Variants in CDKL4 observed in about 807,000 individuals in gnomAD.
CDKL4 encodes cyclin dependent kinase like 4, also known as cyclin-dependent kinase-like 4.
CDKL4 carries 44 observed loss-of-function variants against 42.0 expected under a neutral mutation model. That is an observed-to-expected ratio of 1.05 (90% confidence interval 0.82 to 1.35). The LOEUF (loss-of-function observed/expected upper bound fraction) is 1.35. CDKL4 is among the 40% of genes most tolerant of loss of function. The pLI is 0.00. For missense variants in CDKL4, 393 were observed against 369.9 expected, an observed-to-expected ratio of 1.06 and a Z score of -0.51; for synonymous variants, 120 against 121.6, an observed-to-expected ratio of 0.99 and a Z score of 0.09.
At chr2:39,203,483 C>A (rs1676978790) in intron 5 of CDKL4, among the ~76,000 whole-genome samples, 1 of 152,150 alleles carries the variant, frequency 6.6e-6, no homozygotes. Context: ...GACACCGCAT[C>A]TATACCATGC....
At chr2:39,182,477 A>G (rs1675493856) in intron 8 of CDKL4, among the ~76,000 whole-genome samples, 1 of 152,232 alleles carries the variant, frequency 6.6e-6, no homozygotes, top group South Asian at 2.1e-4. Context: ...TGAGCTGAGT[A>G]GAATTGAGGC....
chr2:39,179,158 A>G, intron 9 of CDKL4, 29 bp downstream of exon 9: 2 of 1,584,472 alleles, frequency 1.3e-6, no homozygotes, highest in South Asian at 1.2e-5. Flanking sequence ...AATTATTTTT[A>G]TAGCACTTTA....
chr2:39,216,988 C>A (rs369417139), intron 3 of CDKL4, among the ~76,000 whole-genome samples: 1 of 152,096 alleles, frequency 6.6e-6, no homozygotes, highest in Non-Finnish European at 1.5e-5. Flanking sequence ...CACCACTGAT[C>A]GTGCAAAGAG....
chr2:39,169,093 G>C, the CDKL4 span, among the ~76,000 whole-genome samples: 1 of 152,082 alleles, frequency 6.6e-6, no homozygotes. Flanking sequence ...ACACAATTCA[G>C]ATATATCTGT....
At chr2:39,198,259 A>AT (rs1676636701) in intron 5 of CDKL4, among the ~76,000 whole-genome samples, 1 of 52,004 alleles carries the variant, frequency 1.9e-5, no homozygotes, top group African/African-American at 5.1e-5. Context: ...TTATATAATG[A>AT]TAAAAAAAAA....
chr2:39,182,284 C>A (rs553544928), intron 8 of CDKL4, among the ~76,000 whole-genome samples: 2 of 152,304 alleles, frequency 1.3e-5, no homozygotes, highest in South Asian at 4.1e-4. Context: ...AGCCACCATG[C>A]CCAGCCTCAT....
intron 1 of CDKL4, among the ~76,000 whole-genome samples, chr2:39,235,955 A>G (rs72921056): frequency 0.014 from 2,110 of 152,248 alleles, 34 homozygotes; most frequent in African/African-American, 0.048. Context: ...AATAAAGTCA[A>G]TAAAAATGGA....
intron 8 of CDKL4, among the ~76,000 whole-genome samples, chr2:39,182,505 C>A (rs1675495277): frequency 2.0e-5 from 3 of 152,114 alleles, no homozygotes; most frequent in Admixed American, 2.0e-4. Context: ...TCCTTGCCTG[C>A]CTGGATTAAT....
chr2:39,205,986 G>A (rs1437799548), intron 4 of CDKL4, among the ~76,000 whole-genome samples: 1 of 151,930 alleles, frequency 6.6e-6, no homozygotes, highest in African/African-American at 2.4e-5. Context: ...GGCCCACGAT[G>A]CTGTCAGAAT....
chr2:39,181,829 A>G (rs755750098), intron 8 of CDKL4, among the ~76,000 whole-genome samples: 3 of 152,170 alleles, frequency 2.0e-5, no homozygotes, highest in Admixed American at 6.5e-5. Flanking sequence ...CCTTGCCAAG[A>G]GTTTTCAGAG....
chr2:39,206,402 A>G (rs1677190338), intron 4 of CDKL4, among the ~76,000 whole-genome samples: 1 of 152,160 alleles, frequency 6.6e-6, no homozygotes, highest in Admixed American at 6.5e-5. Context: ...TTTCATATGC[A>G]GCGGCCTTAC....
At chr2:39,168,160 G>T in the CDKL4 span, among the ~76,000 whole-genome samples, 2 of 151,914 alleles carry the variant, frequency 1.3e-5, no homozygotes, top group African/African-American at 4.8e-5. Context: ...TTAGTGAATT[G>T]TTTCTAGTAG....
At chr2:39,186,357 G>A (rs1201815339) in intron 7 of CDKL4, among the ~76,000 whole-genome samples, 1 of 152,188 alleles carries the variant, frequency 6.6e-6, no homozygotes, top group East Asian at 1.9e-4. Context: ...CATAGATCAT[G>A]ATTTGCCTTC....
rs138111984 is a variant in CDKL4 at position 39,229,487 on chromosome 2, C to T, written c.46G>A (p.Gly16Arg). Residue 16 changes from glycine (G) to arginine (R), a missense_variant, in exon 2 of 10, where the codon GGG (glycine) becomes AGG (arginine). Physicochemically the swap from Gly to Arg is moderately radical, Grantham distance 125. Coordinates refer to ENST00000451199, the Ensembl canonical transcript of CDKL4. ...TTGTTTCTGCATTTGAATACAACCC[C>T]ATAAGACCCTTCTCCAGTCTTAGCT... 132 of 1,611,638 alleles carry T rather than the reference C, an allele frequency of 8.2e-5. No individual in the cohort carries two copies. In the Admixed American group the frequency reaches 1.3e-3, roughly 16 times the overall value.
intron 3 of CDKL4, among the ~76,000 whole-genome samples, chr2:39,214,654 C>T (rs765720402): frequency 1.2e-4 from 18 of 152,056 alleles, no homozygotes; most frequent in Non-Finnish European, 2.1e-4. Context: ...TCAGGTAGAC[C>T]GGAGACTTGG....
upstream of CDKL4, among the ~76,000 whole-genome samples, chr2:39,245,052 A>T (rs1010884380): frequency 3.3e-5 from 5 of 152,214 alleles, no homozygotes; most frequent in Non-Finnish European, 4.4e-5. Flanking sequence ...ACCAATCAGC[A>T]GGTCGTGGGT....
chr2:39,198,521 C>A (rs1450086572), intron 5 of CDKL4, among the ~76,000 whole-genome samples: 1 of 151,988 alleles, frequency 6.6e-6, no homozygotes, highest in Non-Finnish European at 1.5e-5. Context: ...CTTTCTACAC[C>A]ATAAATGCAG....
intron 5 of CDKL4, among the ~76,000 whole-genome samples, chr2:39,195,102 G>C (rs770707449): frequency 9.9e-5 from 15 of 152,160 alleles, no homozygotes; most frequent in Middle Eastern, 3.2e-3. Context: ...ACTCAGCTTA[G>C]TGTCTTCAAG....
chr2:39,242,581 G>A (rs1288851104), intron 1 of CDKL4, among the ~76,000 whole-genome samples: 5 of 152,026 alleles, frequency 3.3e-5, no homozygotes, highest in African/African-American at 1.2e-4. Flanking sequence ...TAGTCTCAAG[G>A]GTTTGCAAAA....
Sources: allele counts gnomAD v4.1 joint callset (sites outside exome capture counted in the v4.1 genomes callset), GRCh38; gene constraint gnomAD v4.1.1; transcripts MANE v1.5; gene names NCBI Gene and HGNC (gene_info 2026-07-23, HGNC 2026-07-21).